WDR7: variants seen among roughly 807,000 people sequenced by gnomAD.
The protein encoded by WDR7 is WD repeat domain 7, also known as WD repeat-containing protein 7.
WDR7 carries 46 observed loss-of-function variants against 169.4 expected under a neutral mutation model. That is an observed-to-expected ratio of 0.27 (90% CI 0.21 to 0.35). WDR7 has a LOEUF of 0.35. Among genes scored for constraint, WDR7 ranks in the 10% least tolerant of loss-of-function variants. The probability of loss-of-function intolerance (pLI) is 1.00; values close to 1 mark genes in which losing one functional copy is unlikely to be tolerated. For missense variants in WDR7, 1,534 were observed against 1,859.3 expected (o/e 0.83, Z 3.22); for synonymous variants, 612 against 666.8 (o/e 0.92, Z 1.27).
chr18:56,779,639 C>T (rs2044289535), intron 18 of WDR7, 90 bp downstream of exon 18: 1 of 934,190 alleles, frequency 1.1e-6, no homozygotes, highest in African/African-American at 1.7e-5. Context: ...TACTGTTTAT[C>T]TGATTTATCA....
At chr18:56,694,787 T>C in intron 10 of WDR7, 27 bp downstream of exon 10, 1 of 1,583,244 alleles carries the variant, frequency 6.3e-7, no homozygotes, top group Non-Finnish European at 8.6e-7. Flanking sequence ...TGTAACAATT[T>C]CTTAATTAAT....
intron 25 of WDR7, among the ~76,000 whole-genome samples, chr18:56,949,698 T>C (rs1027961075): frequency 1.2e-4 from 18 of 152,214 alleles, no homozygotes; most frequent in African/African-American, 4.3e-4. Context: ...CACATGAACT[T>C]TACTGTTATA....
intron 26 of WDR7, among the ~76,000 whole-genome samples, chr18:56,970,121 C>T (rs892562014): frequency 2.6e-5 from 4 of 152,178 alleles, no homozygotes; most frequent in Middle Eastern, 3.4e-3. Context: ...ATTTAACCAT[C>T]GGTTTAAATA....
At chr18:56,764,195 T>G (rs2044026432) in intron 16 of WDR7, among the ~76,000 whole-genome samples, 1 of 152,180 alleles carries the variant, frequency 6.6e-6, no homozygotes, top group Non-Finnish European at 1.5e-5. Context: ...CTAAGTATTA[T>G]TTTAGTGGCA....
chr18:57,019,296 C>T (rs2048252305), intron 26 of WDR7, among the ~76,000 whole-genome samples: 1 of 152,092 alleles, frequency 6.6e-6, no homozygotes, highest in Admixed American at 6.5e-5. Context: ...TACGTATTAC[C>T]TCATTTAACC....
chr18:56,689,041 A>T lies in WDR7; in HGVS notation c.717+2067A>T, dbSNP rs187694545. 3.7e-4 allele frequency among the ~76,000 whole-genome samples: 56 copies of T among 152,326 alleles called. 1 individual carries two copies. The East Asian group carries it at 9.7e-3, about 26-fold the overall frequency. ...GGAACACTCAGCAGGAAATTGGACA[A>T]AAATATTTCACAAAAGATGAAAGCC... On this transcript the variant is annotated intron_variant, in intron 7 of 27. Coordinates refer to ENST00000254442, the MANE Select transcript of WDR7 (RefSeq NM_015285.3).
At position 56,874,579 on chromosome 18, in the gene WDR7, A is replaced by G. The variant is rs17757019; in HGVS notation, c.3305-5365A>G. The stretch of plus-strand genomic sequence containing the variant: ...GTAACATTGGAGGGGCATCATTATT[A>G]ATCAACCTGCATGTGATCTGAAATA... On this transcript the variant is annotated intron_variant, in intron 20 of 27. Coordinates refer to ENST00000254442, the MANE Select transcript of WDR7 (RefSeq NM_015285.3). Among the ~76,000 whole-genome samples the G allele has an allele frequency of 3.3e-3, 509 of 152,236 alleles. 16 individuals are homozygous for G. The East Asian group carries it at 0.081, about 24-fold the overall frequency.
At chr18:56,932,640 G>A (rs1466925011) in intron 22 of WDR7, among the ~76,000 whole-genome samples, 2 of 152,142 alleles carry the variant, frequency 1.3e-5, no homozygotes, top group Non-Finnish European at 2.9e-5. Flanking sequence ...AGCCGGCAGG[G>A]CTAGTTGTTT....
chr18:56,840,085 AAAAC>A (rs1008383312), intron 20 of WDR7, among the ~76,000 whole-genome samples: 5 of 152,002 alleles, frequency 3.3e-5, no homozygotes, highest in African/African-American at 4.8e-5. Flanking sequence ...AACAACAACA[AAAAC>A]AAACAAAAAA....
chr18:56,672,474 G>C, intron 1 of WDR7, 23 bp from the exon 2 acceptor site: 1 of 1,430,224 alleles, frequency 7.0e-7, no homozygotes. Context: ...TGTAATATCT[G>C]ACAATTTTTA....
At chr18:56,682,517 A>G (rs2025368910) in intron 4 of WDR7, among the ~76,000 whole-genome samples, 162 bp from the exon 5 acceptor site, 1 of 152,362 alleles carries the variant, frequency 6.6e-6, no homozygotes, top group Non-Finnish European at 1.5e-5. Flanking sequence ...GTGTGCACAT[A>G]CACCCATATA....
chr18:56,701,397 A>G (rs1325824740), intron 12 of WDR7, among the ~76,000 whole-genome samples: 1 of 152,214 alleles, frequency 6.6e-6, no homozygotes, highest in Non-Finnish European at 1.5e-5. Flanking sequence ...AAAACAAACT[A>G]CTATATATCA....
chr18:56,928,891 A>G (rs1247994333), intron 22 of WDR7, among the ~76,000 whole-genome samples: 1 of 152,224 alleles, frequency 6.6e-6, no homozygotes, highest in African/African-American at 2.4e-5. Context: ...ATACTGTGTG[A>G]TCTTGCATTC....
intron 13 of WDR7, among the ~76,000 whole-genome samples, chr18:56,729,125 G>C (rs1018202153): frequency 2.0e-5 from 3 of 151,936 alleles, no homozygotes; most frequent in African/African-American, 7.3e-5. Flanking sequence ...TATCAATAAG[G>C]GAAAGTCACT....
chr18:56,793,018 C>G (rs1198890716), intron 19 of WDR7, among the ~76,000 whole-genome samples: 1 of 152,146 alleles, frequency 6.6e-6, no homozygotes, highest in Non-Finnish European at 1.5e-5. Flanking sequence ...GTAGGTTGCA[C>G]CCAGCAAAGT....
chr18:56,762,413 T>A (rs1340519824), intron 16 of WDR7, among the ~76,000 whole-genome samples: 1 of 151,886 alleles, frequency 6.6e-6, no homozygotes, highest in Non-Finnish European at 1.5e-5. Flanking sequence ...AGATCTAGAG[T>A]TTTCTTTGTA....
intron 26 of WDR7, among the ~76,000 whole-genome samples, chr18:56,986,730 A>AT (rs1165642770): frequency 2.0e-5 from 3 of 151,328 alleles, no homozygotes; most frequent in Non-Finnish European, 4.4e-5. Flanking sequence ...ACGGGGGAAA[A>AT]TAAAAAAAAA....
At chr18:56,839,049 T>C (rs553062867) in intron 20 of WDR7, among the ~76,000 whole-genome samples, 1 of 152,192 alleles carries the variant, frequency 6.6e-6, no homozygotes, top group Non-Finnish European at 1.5e-5. Flanking sequence ...TTGTTTATGC[T>C]CTATACTTGT....
rs149374478 is a variant in WDR7, at chr18:56,710,220, G to T, written c.1579-7744G>T. On this transcript the variant is annotated intron_variant, in intron 12 of 27. Transcript: ENST00000254442. ...GGGTTTCACCGTGTTAGCCAGGATG[G>T]TCTTGATTTCCTGACCTTGTGATCC... Among the ~76,000 whole-genome samples the T allele has an allele frequency of 4.0e-3, 604 of 152,058 alleles. 2 individuals carry two copies. Among genetic ancestry groups the T allele is most frequent in the Admixed American group, 9.7e-3 (148 of 15,284 alleles).
Sources: gnomAD v4.1 joint callset for allele counts (sites outside exome capture counted in the v4.1 genomes callset) on GRCh38, gnomAD v4.1.1 for gene constraint, MANE v1.5 for transcripts, NCBI Gene and HGNC (gene_info 2026-07-23, HGNC 2026-07-21) for gene names.